CFHR4: variants seen among roughly 807,000 people sequenced by gnomAD.
The protein encoded by CFHR4 is complement factor H related 4.
A neutral mutation model predicts 69.3 loss-of-function variants in CFHR4; 64 were observed. The ratio of observed to expected loss-of-function variants is 0.92; its 90% confidence interval spans 0.76 to 1.14. The LOEUF (loss-of-function observed/expected upper bound fraction) is 1.14, where lower values mean the gene tolerates loss of function less well. CFHR4 is among the 50% of genes most tolerant of loss of function. The pLI is 0.00. For missense variants in CFHR4, 636 were observed against 684.9 expected (o/e 0.93, Z 0.80); for synonymous variants, 244 against 237.0 (o/e 1.03, Z -0.27).
At chr1:196,901,776 A>T (rs1657622187) in intron 1 of CFHR4, among the ~76,000 whole-genome samples, 1 of 151,430 alleles carries the variant, frequency 6.6e-6, no homozygotes, top group African/African-American at 2.4e-5. Flanking sequence ...ATAAAACATT[A>T]AAAACATCTT....
chr1:196,890,697 A>G (rs1656976963), intron 1 of CFHR4, among the ~76,000 whole-genome samples: 1 of 151,426 alleles, frequency 6.6e-6, no homozygotes, highest in Admixed American at 6.6e-5. Flanking sequence ...CCAGTGCATT[A>G]CACTCTGTTG....
In CFHR4 at chr1:196,912,488, G is replaced by T. The variant is rs544067548; in HGVS notation, c.998-252G>T. ...GCTAGATGTGCATTCCTTAAGGCCC[G>T]CCAGAGCTCTGTTGACAGTCTCAAG... On this transcript the variant is annotated intron_variant, in intron 6 of 9. Coordinates refer to ENST00000608469, the MANE Select transcript of CFHR4 (RefSeq NM_001201550.3). Among the ~76,000 whole-genome samples, 36 of 151,272 alleles carry T rather than the reference G, an allele frequency of 2.4e-4. 4 individuals carry two copies. The highest frequency in any genetic ancestry group is 8.8e-4 in the African/African-American group (36 of 40,966).
intron 5 of CFHR4, 41 bp from the exon 6 acceptor site, chr1:196,910,240 A>T: frequency 8.5e-7 from 1 of 1,182,980 alleles, no homozygotes; most frequent in Non-Finnish European, 1.2e-6. Flanking sequence ...TGTCTGTTAC[A>T]GTGAAACATT....
chr1:196,918,009 C>G (rs1281616167), intron 9 of CFHR4, among the ~76,000 whole-genome samples: 3 of 151,636 alleles, frequency 2.0e-5, no homozygotes, highest in Admixed American at 2.0e-4. Flanking sequence ...CTGATGATCT[C>G]TGCTGTGACG....
chr1:196,915,702 A>G (rs1236375350), intron 9 of CFHR4, among the ~76,000 whole-genome samples: 1 of 151,540 alleles, frequency 6.6e-6, no homozygotes, highest in Non-Finnish European at 1.5e-5. Flanking sequence ...GAAAAAGAGA[A>G]AAAGAAAAAA....
intron 1 of CFHR4, among the ~76,000 whole-genome samples, chr1:196,891,760 A>T (rs950997846): frequency 6.6e-6 from 1 of 151,406 alleles, no homozygotes; most frequent in African/African-American, 2.4e-5. Context: ...TGCTATTTAA[A>T]TTGTGGTAGT....
At chr1:196,906,729 G>C (rs557389468) in intron 3 of CFHR4, 132 bp from the exon 4 acceptor site, 3 of 888,522 alleles carry the variant, frequency 3.4e-6, no homozygotes, top group Non-Finnish European at 4.9e-6. Flanking sequence ...CTGATTGTCG[G>C]ACTATTTTTA....
At chr1:196,891,348 C>A (rs1347408096) in intron 1 of CFHR4, among the ~76,000 whole-genome samples, 1 of 151,490 alleles carries the variant, frequency 6.6e-6, no homozygotes, top group South Asian at 2.1e-4. Context: ...AAGAGTATCT[C>A]AGGATGTTAC....
chr1:196,897,597 G>A (rs978282774), intron 1 of CFHR4, among the ~76,000 whole-genome samples: 8 of 151,344 alleles, frequency 5.3e-5, no homozygotes, highest in South Asian at 2.1e-4. Context: ...GAGTGGGAAG[G>A]TGGTCTTCCC....
intron 3 of CFHR4, 35 bp downstream of exon 3, chr1:196,905,325 C>A: frequency 6.2e-7 from 1 of 1,607,154 alleles, no homozygotes; most frequent in South Asian, 1.1e-5. Context: ...CAGTTTCTGT[C>A]AACTTCTTTC....
chr1:196,888,832 T>C (rs1189919592), intron 1 of CFHR4, among the ~76,000 whole-genome samples: 1 of 151,398 alleles, frequency 6.6e-6, no homozygotes, highest in East Asian at 1.9e-4. Context: ...TTAATTTGCA[T>C]TTCTGAGTTC....
At position 196,910,325 on chromosome 1, in the gene CFHR4, T is replaced by C; in HGVS notation, c.844T>C (p.Tyr282His). 5.0e-6 allele frequency: 8 copies of C among 1,610,794 alleles called. 1 individual carries two copies. Among genetic ancestry groups the C allele is most frequent in the South Asian group, 2.2e-5 (2 of 90,784 alleles). Residue 282 changes from tyrosine (Y) to histidine (H), a missense_variant, in exon 6 of 10, where the codon TAT (tyrosine) becomes CAT (histidine). Around this residue, in one of 3 missense-constraint regions of CFHR4, gnomAD observed 529 missense variants for 533.2 expected, o/e 0.99. Transcript: ENST00000608469. Reference sequence around the variant, plus strand: ...TCCAGAAATTCAACATGGACATCTATATTATGAGAATACGCGTAGACCATA... The same window carrying C: ...TCCAGAAATTCAACATGGACATCTACATTATGAGAATACGCGTAGACCATA... ...EFPEIQHGHL[Y>H]YENTRRPYFP...
At position 196,906,901 on chromosome 1, in the gene CFHR4, G is replaced by T. The variant is rs1198457928; in HGVS notation, c.480G>T (p.Lys160Asn). 4.4e-6 allele frequency: 7 copies of T among 1,608,082 alleles called. No individual in the cohort carries two copies. The highest frequency in any genetic ancestry group is 5.9e-6 in the Non-Finnish European group (7 of 1,178,556). Residue 160 changes from lysine (K) to asparagine (N), a missense_variant, in exon 4 of 10, where the codon AAG (lysine) becomes AAT (asparagine). Around this residue, in one of 3 missense-constraint regions of CFHR4, gnomAD observed 529 missense variants for 533.2 expected, o/e 0.99. Coordinates refer to ENST00000608469, the MANE Select transcript of CFHR4 (RefSeq NM_001201550.3). ...CTGTTTTTGAGAATTCCAGAGCCAA[G>T]AGTAATGGCATGTGGTTTAAGCTCC... ...DMPVFENSRAKSNGMWFKLHD... is the reference protein window; with the variant it reads ...DMPVFENSRANSNGMWFKLHD...
intron 1 of CFHR4, among the ~76,000 whole-genome samples, chr1:196,889,346 C>T (rs940584790): frequency 1.3e-5 from 2 of 151,534 alleles, no homozygotes. Flanking sequence ...AACTAAACTG[C>T]TACAGGCACA....
chr1:196,891,290 C>T lies in CFHR4; in HGVS notation c.58+3082C>T, dbSNP rs370347473. Among the ~76,000 whole-genome samples the T allele has an allele frequency of 5.3e-5, 8 of 151,592 alleles. No homozygotes were observed. In the East Asian group the frequency reaches 5.8e-4, roughly 11 times the overall value. On this transcript the variant is annotated intron_variant, in intron 1 of 9. Transcript: ENST00000608469. ...AAATAAAATGATTTCCTTTAGTTTA[C>T]GTCTCTTTCTTCCTTGGACTAAATA... is the stretch of plus-strand genomic sequence containing the variant.
intron 7 of CFHR4, among the ~76,000 whole-genome samples, chr1:196,913,806 C>T (rs1658417180): frequency 2.0e-5 from 3 of 151,420 alleles, no homozygotes; most frequent in Admixed American, 2.0e-4. Context: ...GGATGACTCT[C>T]AAAAATACTA....
At chr1:196,900,426 A>G (rs1322174068) in intron 1 of CFHR4, among the ~76,000 whole-genome samples, 2 of 150,010 alleles carry the variant, frequency 1.3e-5, no homozygotes, top group East Asian at 3.9e-4. Context: ...AGCTTGTGGT[A>G]TTAATGATAA....
intron 3 of CFHR4, among the ~76,000 whole-genome samples, chr1:196,906,235 G>T (rs1657900837): frequency 6.6e-6 from 1 of 151,416 alleles, no homozygotes; most frequent in South Asian, 2.1e-4. Flanking sequence ...CTTAGAAAGT[G>T]ATTATCTCAA....
chr1:196,892,229 C>T (rs1011058647), intron 1 of CFHR4, among the ~76,000 whole-genome samples: 6 of 151,240 alleles, frequency 4.0e-5, no homozygotes, highest in Non-Finnish European at 8.8e-5. Flanking sequence ...TTGGGAGCCA[C>T]TAAGGATTTT....
Sources: allele counts gnomAD v4.1 joint callset (sites outside exome capture counted in the v4.1 genomes callset), GRCh38; gene constraint gnomAD v4.1.1; regional missense constraint gnomAD v4.1.1; transcripts MANE v1.5; gene names NCBI Gene and HGNC (gene_info 2026-07-23, HGNC 2026-07-21).